RBM47: variants seen among roughly 807,000 people sequenced by gnomAD.
RBM47 encodes the protein RNA binding motif protein 47.
RBM47 carries 21 observed loss-of-function variants against 47.1 expected under a neutral mutation model. The ratio of observed to expected loss-of-function variants is 0.45; its 90% CI spans 0.32 to 0.64. The LOEUF (loss-of-function observed/expected upper bound fraction) is 0.64, where lower values mean the gene tolerates loss of function less well. Ranked by LOEUF, RBM47 falls within the 30% of genes least tolerant of loss-of-function variation. The probability of loss-of-function intolerance (pLI) is 0.05; values close to 1 mark genes in which losing one functional copy is unlikely to be tolerated. For missense variants in RBM47, 708 were observed against 870.9 expected, an observed-to-expected ratio of 0.81 and a Z score of 2.35; for synonymous variants, 375 against 361.7, an observed-to-expected ratio of 1.04 and a Z score of -0.42.
intron 1 of RBM47, among the ~76,000 whole-genome samples, chr4:40,559,665 C>T (rs917599950): frequency 5.3e-5 from 8 of 152,018 alleles, no homozygotes; most frequent in Non-Finnish European, 7.4e-5. Flanking sequence ...GAAATATCCC[C>T]TCCACCATCC....
intron 1 of RBM47, among the ~76,000 whole-genome samples, chr4:40,593,095 C>T (rs1230258366): frequency 7.8e-5 from 11 of 141,436 alleles, no homozygotes; most frequent in Admixed American, 6.6e-4. Context: ...CCCAGGTTCA[C>T]GCCATTCTCC....
intron 1 of RBM47, among the ~76,000 whole-genome samples, chr4:40,596,932 A>G (rs959497536): frequency 5.3e-5 from 8 of 152,346 alleles, no homozygotes; most frequent in African/African-American, 1.9e-4. Flanking sequence ...GAAATAAAAC[A>G]AATTTTTAAA....
At chr4:40,626,447 G>T (rs1218112666) in intron 1 of RBM47, among the ~76,000 whole-genome samples, 1 of 152,204 alleles carries the variant, frequency 6.6e-6, no homozygotes, top group African/African-American at 2.4e-5. Flanking sequence ...ACTTCCCACA[G>T]TTGCTAGTTT....
intron 2 of RBM47, among the ~76,000 whole-genome samples, chr4:40,497,391 G>A (rs939230116): frequency 2.0e-5 from 3 of 152,160 alleles, no homozygotes; most frequent in African/African-American, 7.2e-5. Flanking sequence ...GGCCAAGGTG[G>A]AGGGTCGCTT....
At chr4:40,579,132 A>G (rs1732622154) in intron 1 of RBM47, among the ~76,000 whole-genome samples, 1 of 146,194 alleles carries the variant, frequency 6.8e-6, no homozygotes, top group East Asian at 2.0e-4. Context: ...TTAAAAAAAA[A>G]AAAAATGCAG....
intron 1 of RBM47, among the ~76,000 whole-genome samples, chr4:40,572,148 C>T (rs1458551202): frequency 6.6e-6 from 1 of 150,524 alleles, no homozygotes; most frequent in Middle Eastern, 3.5e-3. Flanking sequence ...TTTGGGAGGC[C>T]GAGGCGGGTG....
At chr4:40,516,948 T>G (rs1725649634) in intron 2 of RBM47, among the ~76,000 whole-genome samples, 1 of 152,168 alleles carries the variant, frequency 6.6e-6, no homozygotes, top group Non-Finnish European at 1.5e-5. Flanking sequence ...TGCGTGCCCT[T>G]CTTTATGCAA....
chr4:40,480,080 T>A (rs1423766883), intron 2 of RBM47, among the ~76,000 whole-genome samples: 2 of 148,860 alleles, frequency 1.3e-5, no homozygotes, highest in Non-Finnish European at 3.0e-5. Flanking sequence ...CAGGTTCAAG[T>A]GATTCTCCTG....
At chr4:40,553,544 A>C (rs1023275988) in intron 1 of RBM47, among the ~76,000 whole-genome samples, 1 of 152,120 alleles carries the variant, frequency 6.6e-6, no homozygotes, top group Non-Finnish European at 1.5e-5. Context: ...TGATCTGCCC[A>C]CCTTGGTTTC....
intron 1 of RBM47, among the ~76,000 whole-genome samples, chr4:40,599,957 C>T (rs11721868): frequency 0.018 from 2,747 of 152,090 alleles, 43 homozygotes; most frequent in Middle Eastern, 0.034. Context: ...ACTAATATAC[C>T]CCTACACTTT....
intron 2 of RBM47, among the ~76,000 whole-genome samples, chr4:40,496,226 T>G (rs902582820): frequency 6.6e-6 from 1 of 152,164 alleles, no homozygotes; most frequent in Non-Finnish European, 1.5e-5. Flanking sequence ...GTGTGGGTTA[T>G]GCAGTGGCTC....
chr4:40,503,793 A>T (rs1052704399), intron 2 of RBM47, among the ~76,000 whole-genome samples: 3 of 152,156 alleles, frequency 2.0e-5, no homozygotes, highest in African/African-American at 7.2e-5. Flanking sequence ...ATATATACAT[A>T]CATACACACA....
chr4:40,437,660 G>T, intron 4 of RBM47, 111 bp downstream of exon 4: 1 of 1,139,316 alleles, frequency 8.8e-7, no homozygotes, highest in Non-Finnish European at 1.2e-6. Context: ...GGGGTGGGAG[G>T]GCCTTCAGCA....
intron 1 of RBM47, among the ~76,000 whole-genome samples, chr4:40,613,621 G>A (rs1267943809): frequency 2.0e-5 from 3 of 152,062 alleles, no homozygotes; most frequent in Non-Finnish European, 4.4e-5. Flanking sequence ...ACTCATTGGT[G>A]ATAAAAAACT....
intron 1 of RBM47, among the ~76,000 whole-genome samples, chr4:40,583,004 T>G (rs891685476): frequency 2.0e-5 from 3 of 152,062 alleles, no homozygotes; most frequent in Non-Finnish European, 4.4e-5. Context: ...CAATACACAC[T>G]CAAAAATCAA....
chr4:40,532,724 G>C (rs1727536936), intron 2 of RBM47, among the ~76,000 whole-genome samples: 1 of 149,704 alleles, frequency 6.7e-6, no homozygotes, highest in Non-Finnish European at 1.5e-5. Flanking sequence ...CTTCTTATTG[G>C]AGTCTAATTA....
At chr4:40,572,410 G>A (rs1304135582) in intron 1 of RBM47, among the ~76,000 whole-genome samples, 2 of 151,414 alleles carry the variant, frequency 1.3e-5, no homozygotes, top group Non-Finnish European at 2.9e-5. Flanking sequence ...TACTGTTATT[G>A]AGAAATCTTC....
At chr4:40,459,644 T>C (rs922000691) in intron 3 of RBM47, among the ~76,000 whole-genome samples, 1 of 152,240 alleles carries the variant, frequency 6.6e-6, no homozygotes, top group Non-Finnish European at 1.5e-5. Flanking sequence ...CAAATAGTCA[T>C]ACCCAGGTAC....
chr4:40,532,950 G>A (rs1439188808), intron 2 of RBM47, among the ~76,000 whole-genome samples: 1 of 152,126 alleles, frequency 6.6e-6, no homozygotes. Flanking sequence ...GTGTTACAAA[G>A]AGGATCTGTA....
Sources: gnomAD v4.1 joint callset for allele counts (sites outside exome capture counted in the v4.1 genomes callset) on GRCh38, gnomAD v4.1.1 for gene constraint, MANE v1.5 for transcripts, NCBI Gene and HGNC (gene_info 2026-07-23, HGNC 2026-07-21) for gene names.